The following DPYD variants were observed in gnomAD, a reference collection of about 807,000 sequenced individuals.
DPYD encodes dihydropyrimidine dehydrogenase, also known as dihydropyrimidine dehydrogenase [NADP(+)].
DPYD carries 109 observed loss-of-function variants against 116.2 expected under a neutral mutation model. The observed-to-expected ratio is 0.94, with a 90% CI of 0.80 to 1.10. DPYD has a LOEUF of 1.10. Among genes scored for constraint, DPYD ranks in the 50% least tolerant of loss-of-function variants. The probability of loss-of-function intolerance (pLI) is 0.00; values close to 1 mark genes in which losing one functional copy is unlikely to be tolerated. For missense variants in DPYD, 1,302 were observed against 1,254.5 expected (o/e 1.04, Z -0.57); for synonymous variants, 440 against 432.0 (o/e 1.02, Z -0.23).
chr1:97,485,354 A>G (rs977660114), intron 13 of DPYD, among the ~76,000 whole-genome samples: 1 of 152,096 alleles, frequency 6.6e-6, no homozygotes, highest in East Asian at 1.9e-4. Context: ...GGAGTGCACC[A>G]CGATGCCTGG....
intron 14 of DPYD, among the ~76,000 whole-genome samples, chr1:97,433,602 T>C (rs1303530187): frequency 2.0e-5 from 3 of 152,192 alleles, no homozygotes; most frequent in Non-Finnish European, 4.4e-5. Context: ...TAATCTCTTA[T>C]AGCTTTCTAC....
In DPYD at chr1:97,322,244, T is replaced by A. The variant is rs1043955151; in HGVS notation, c.2059-15947A>T. Reference sequence around the variant, plus strand: ...AAACTTAAAGTATAATAAAAAAAAATAATAAATAAATAAATAAAAGGAATT... The same window carrying A: ...AAACTTAAAGTATAATAAAAAAAAAAAATAAATAAATAAATAAAAGGAATT... On this transcript the variant is annotated intron_variant, in intron 16 of 22. Coordinates refer to ENST00000370192, the MANE Select transcript of DPYD (RefSeq NM_000110.4). 8.0e-4 allele frequency among the ~76,000 whole-genome samples: 118 copies of A among 147,286 alleles called. 1 individual carries two copies. The highest frequency in any genetic ancestry group is 2.5e-3 in the African/African-American group (102 of 40,844).
intron 14 of DPYD, among the ~76,000 whole-genome samples, chr1:97,397,453 C>G (rs950015182): frequency 6.6e-6 from 1 of 151,982 alleles, no homozygotes; most frequent in Non-Finnish European, 1.5e-5. Context: ...TGACACGTAT[C>G]CATTGTTTTA....
intron 16 of DPYD, among the ~76,000 whole-genome samples, chr1:97,318,159 G>T (rs1295359335): frequency 1.4e-5 from 2 of 147,496 alleles, no homozygotes; most frequent in Non-Finnish European, 3.0e-5. Flanking sequence ...AGACTAGGAA[G>T]AAACTGCATC....
At chr1:97,569,058 A>G (rs1046884865) in intron 11 of DPYD, among the ~76,000 whole-genome samples, 1 of 152,126 alleles carries the variant, frequency 6.6e-6, no homozygotes, top group Admixed American at 6.6e-5. Context: ...AGTTGTCTGA[A>G]AGCATATTCA....
chr1:97,871,702 T>A (rs1234993836), intron 2 of DPYD, among the ~76,000 whole-genome samples: 2 of 151,720 alleles, frequency 1.3e-5, no homozygotes, highest in African/African-American at 4.8e-5. Context: ...TCTGTAGAAA[T>A]ATGCTACTAG....
intron 2 of DPYD, among the ~76,000 whole-genome samples, chr1:97,871,551 A>G (rs1278883244): frequency 6.6e-6 from 1 of 151,394 alleles, no homozygotes; most frequent in Non-Finnish European, 1.5e-5. Flanking sequence ...AGACCAAGGC[A>G]TCATGTTGAG....
intron 19 of DPYD, among the ~76,000 whole-genome samples, chr1:97,231,816 T>G (rs962507207): frequency 6.6e-6 from 1 of 152,176 alleles, no homozygotes; most frequent in Non-Finnish European, 1.5e-5. Context: ...AGACAGTCAA[T>G]AATCTTTACT....
chr1:97,431,754 T>C (rs1016495578), intron 14 of DPYD, among the ~76,000 whole-genome samples: 7 of 152,144 alleles, frequency 4.6e-5, no homozygotes, highest in Non-Finnish European at 1.0e-4. Context: ...CAATTAATTA[T>C]TGTTAACTAT....
At chr1:97,102,569 A>G (rs1190747291) in intron 20 of DPYD, among the ~76,000 whole-genome samples, 1 of 150,690 alleles carries the variant, frequency 6.6e-6, no homozygotes, top group Non-Finnish European at 1.5e-5. Flanking sequence ...AGTTACATGT[A>G]AAGGATATCT....
intron 18 of DPYD, among the ~76,000 whole-genome samples, chr1:97,270,228 C>T (rs140769647): frequency 1.5e-3 from 227 of 152,168 alleles, no homozygotes; most frequent in South Asian, 0.011. Context: ...CATAAACAAC[C>T]GGAGAATGGG....
At chr1:97,703,638 C>A (rs558743865) in intron 5 of DPYD, among the ~76,000 whole-genome samples, 2 of 151,986 alleles carry the variant, frequency 1.3e-5, no homozygotes, top group East Asian at 3.9e-4. Context: ...AATGCAAAGA[C>A]CTCAGTAGCA....
intron 12 of DPYD, among the ~76,000 whole-genome samples, chr1:97,533,829 C>G (rs1570916249): frequency 6.6e-6 from 1 of 152,010 alleles, no homozygotes; most frequent in Non-Finnish European, 1.5e-5. Context: ...CGTAGTTGCC[C>G]AGAGGTCACT....
intron 3 of DPYD, among the ~76,000 whole-genome samples, chr1:97,763,542 G>A (rs1030787846): frequency 6.6e-6 from 1 of 151,912 alleles, no homozygotes; most frequent in Non-Finnish European, 1.5e-5. Context: ...CATCAAGAAA[G>A]GAAAATGAAA....
chr1:97,843,975 G>GTTA (rs970884596), intron 2 of DPYD, among the ~76,000 whole-genome samples: 8 of 152,088 alleles, frequency 5.3e-5, no homozygotes, highest in Non-Finnish European at 7.4e-5. Context: ...ATCAGATAGT[G>GTTA]TTAAACACTA....
At chr1:97,124,968 C>T (rs1238462839) in intron 20 of DPYD, among the ~76,000 whole-genome samples, 1 of 152,088 alleles carries the variant, frequency 6.6e-6, no homozygotes, top group Non-Finnish European at 1.5e-5. Flanking sequence ...TAGGTTCACC[C>T]TGAATAGCAT....
chr1:97,631,137 C>T (rs1395863726), intron 8 of DPYD, among the ~76,000 whole-genome samples: 2 of 152,050 alleles, frequency 1.3e-5, no homozygotes, highest in Admixed American at 1.3e-4. Context: ...ACAGGATTTC[C>T]AGTCACTTCA....
In DPYD at chr1:97,747,822, A is replaced by G. The variant is rs147065853; in HGVS notation, c.234-7343T>C. ...TTGCCCATATTTAATTTTTGACTTCACTTTACTGGTTTTAACACATTAGGC... is the reference window on the plus strand; with the variant it reads ...TTGCCCATATTTAATTTTTGACTTCGCTTTACTGGTTTTAACACATTAGGC... On this transcript the variant is annotated intron_variant, in intron 3 of 22. Transcript: ENST00000370192. 3.1e-3 allele frequency among the ~76,000 whole-genome samples: 476 copies of G among 152,240 alleles called. 1 individual carries two copies. The highest frequency in any genetic ancestry group is 0.011 in the African/African-American group (465 of 41,552).
chr1:97,857,605 G>A (rs188949941), intron 2 of DPYD, among the ~76,000 whole-genome samples: 1 of 152,094 alleles, frequency 6.6e-6, no homozygotes, highest in Non-Finnish European at 1.5e-5. Flanking sequence ...GTTCCCGAGG[G>A]CATGGAAGCT....
Sources: allele counts gnomAD v4.1 joint callset (sites outside exome capture counted in the v4.1 genomes callset), GRCh38; gene constraint gnomAD v4.1.1; transcripts MANE v1.5; gene names NCBI Gene and HGNC (gene_info 2026-07-23, HGNC 2026-07-21).